The following KLHL18 variants were observed in gnomAD, a reference collection of about 807,000 sequenced individuals.
KLHL18 encodes the protein kelch-like protein 18.
In KLHL18, 38 loss-of-function variants were observed where a neutral mutation model predicts 58.5. The observed-to-expected ratio is 0.65, with a 90% confidence interval of 0.50 to 0.85. The LOEUF is 0.85. Among genes scored for constraint, KLHL18 ranks in the 40% least tolerant of loss-of-function variants. The pLI is 0.00. For synonymous variants in KLHL18, 303 were observed against 301.9 expected (o/e 1.00, Z -0.04); for missense variants, 624 against 778.4 (o/e 0.80, Z 2.36).
chr3:47,320,330 TAATC>T (rs1337943381), intron 2 of KLHL18, among the ~76,000 whole-genome samples: 1 of 152,190 alleles, frequency 6.6e-6, no homozygotes, highest in Non-Finnish European at 1.5e-5. Flanking sequence ...TGTTTAATTT[TAATC>T]AATTTAATTT....
rs188197370 is a variant in KLHL18 at position 47,336,709 on chromosome 3, C to T, written c.1073C>T (p.Pro358Leu). 1.5e-5 allele frequency: 24 copies of T among 1,614,186 alleles called. No homozygotes were observed. The highest frequency in any genetic ancestry group is 6.7e-5 in the East Asian group (3 of 44,888). ...CTGAGCACTGTGGAGGCCTACAACC[C>T]GGAGACAGACACATGGACCAGAGTG... ...LRLSTVEAYN[P>L]ETDTWTRVGS... Residue 358 changes from proline to leucine, a missense_variant, in exon 7 of 10, where the codon CCG (proline) becomes CTG (leucine). Physicochemically the swap from Pro to Leu is moderately conservative, Grantham distance 98 (BLOSUM62 -3). Transcript: ENST00000232766.
chr3:47,324,298 CTTTTTTTTTT>C lies in KLHL18; in HGVS notation c.401+1607_401+1616del, dbSNP rs769288621. Among the ~76,000 whole-genome samples the C allele has an allele frequency of 4.3e-3, 163 of 37,480 alleles. 3 individuals are homozygous for C. Among genetic ancestry groups the C allele is most frequent in the African/African-American group, 0.012 (116 of 9,982 alleles). 24.6% of individuals were successfully genotyped at this position (37,480 alleles called of 152,430 possible). Reference sequence around the variant, plus strand: ...CTTCCTTTTTTCTTTTTCTTTCTTTCTTTTTTTTTTTTTTTTTTTTTTTTTTCTGTAAGGT... The same window carrying C: ...CTTCCTTTTTTCTTTTTCTTTCTTTCTTTTTTTTTTTTTTTTCTGTAAGGT... On this transcript the variant is annotated intron_variant, in intron 3 of 9. Transcript: ENST00000232766.
At chr3:47,333,537 G>A (rs907335734) in intron 5 of KLHL18, among the ~76,000 whole-genome samples, 22 of 152,254 alleles carry the variant, frequency 1.4e-4, no homozygotes, top group Non-Finnish European at 2.5e-4. Flanking sequence ...GAGCATCAAA[G>A]CAGAAAGGGC....
chr3:47,292,044 C>T (rs1212814041), intron 1 of KLHL18, among the ~76,000 whole-genome samples: 1 of 152,128 alleles, frequency 6.6e-6, no homozygotes, highest in Non-Finnish European at 1.5e-5. Context: ...ATGGCTCTTA[C>T]GTTCCAGTGA....
rs192755858 is a variant in KLHL18, at chr3:47,311,497, T to C, written c.130-8156T>C. Among the ~76,000 whole-genome samples the C allele has an allele frequency of 7.5e-4, 114 of 151,854 alleles. 1 individual carries two copies. The highest frequency in any genetic ancestry group is 3.5e-3 in the East Asian group (18 of 5,116). On this transcript the variant is annotated intron_variant, in intron 1 of 9. Coordinates refer to ENST00000232766, the MANE Select transcript of KLHL18 (RefSeq NM_025010.5). ...CATGAGGTCAGGAGATCAAGACCAT[T>C]CTGGCTAACATAGTGAAACCCCGTC...
intron 2 of KLHL18, 134 bp from the exon 3 acceptor site, chr3:47,322,434 G>T (rs1576168145): frequency 9.8e-6 from 7 of 716,580 alleles, no homozygotes; most frequent in Non-Finnish European, 1.4e-5. Context: ...TTAGGCTGTG[G>T]TGAAGTAGTT....
intron 2 of KLHL18, among the ~76,000 whole-genome samples, chr3:47,321,989 AG>A (rs1189475438): frequency 1.3e-5 from 2 of 152,232 alleles, no homozygotes; most frequent in African/African-American, 4.8e-5. Flanking sequence ...GAGAGGGACC[AG>A]AGCACATACA....
At chr3:47,331,425 CTTTTTTTTTTTTTT>C (rs71098479) in intron 4 of KLHL18, among the ~76,000 whole-genome samples, 1 of 58,506 alleles carries the variant, frequency 1.7e-5, no homozygotes, top group East Asian at 5.4e-4. Context: ...CATGCCAGGC[CTTTTTTTTTTTTTT>C]TTTTTTTTTG....
rs772553279 is a variant in KLHL18, at chr3:47,322,601, C to T, written c.294C>T (p.Asn98=). ...ALEALINFAY[N]GNLAIDQQNV... is the part of the protein sequence containing the mutation. ...AGGCTCTGATCAACTTTGCCTACAA[C>T]GGCAACCTTGCCATTGACCAGCAAA... Residue 98 remains asparagine, a synonymous_variant, in exon 3 of 10, where the codon AAC becomes AAT. Transcript: ENST00000232766. 3.0e-5 allele frequency: 48 copies of T among 1,606,922 alleles called. No individual in the cohort carries two copies. The highest frequency in any genetic ancestry group is 1.7e-4 in the Middle Eastern group (1 of 5,816).
intron 1 of KLHL18, among the ~76,000 whole-genome samples, chr3:47,305,522 G>T (rs1347949067): frequency 6.6e-6 from 1 of 151,716 alleles, no homozygotes; most frequent in Non-Finnish European, 1.5e-5. Flanking sequence ...CTGATATTTT[G>T]TTAAGGATTT....
intron 4 of KLHL18, among the ~76,000 whole-genome samples, chr3:47,331,686 G>A (rs1465974312): frequency 2.0e-5 from 3 of 151,380 alleles, no homozygotes; most frequent in Non-Finnish European, 4.4e-5. Flanking sequence ...GCCCACCTCG[G>A]CCTCCCAAAG....
intron 1 of KLHL18, among the ~76,000 whole-genome samples, chr3:47,309,098 G>C (rs935747698): frequency 2.0e-5 from 3 of 152,252 alleles, no homozygotes; most frequent in African/African-American, 7.2e-5. Context: ...TAAGCTCATA[G>C]ATCAACAGCA....
At chr3:47,301,624 A>T (rs1004166919) in intron 1 of KLHL18, among the ~76,000 whole-genome samples, 1 of 152,176 alleles carries the variant, frequency 6.6e-6, no homozygotes, top group African/African-American at 2.4e-5. Context: ...TACTGTAGCT[A>T]TGTAGTTGAC....
At chr3:47,284,314 C>A (rs970819733) in intron 1 of KLHL18, among the ~76,000 whole-genome samples, 1 of 148,918 alleles carries the variant, frequency 6.7e-6, no homozygotes, top group African/African-American at 2.5e-5. Flanking sequence ...TGCAGAGATT[C>A]TTTTGCTCTT....
At chr3:47,335,342 C>G (rs1031803946) in intron 6 of KLHL18, among the ~76,000 whole-genome samples, 4 of 152,148 alleles carry the variant, frequency 2.6e-5, no homozygotes, top group African/African-American at 9.7e-5. Context: ...GTCAATAATA[C>G]TTTTTACTCT....
At chr3:47,342,556 G>A (rs1486408046) in intron 8 of KLHL18, among the ~76,000 whole-genome samples, 163 bp from the exon 9 acceptor site, 1 of 152,230 alleles carries the variant, frequency 6.6e-6, no homozygotes, top group African/African-American at 2.4e-5. Context: ...TGCAGCTTGG[G>A]TGAGAGGCGG....
chr3:47,302,497 AAAAG>A (rs1334006123), intron 1 of KLHL18, among the ~76,000 whole-genome samples: 1 of 152,164 alleles, frequency 6.6e-6, no homozygotes, highest in East Asian at 1.9e-4. Flanking sequence ...CAAACAAACA[AAAAG>A]AAACATAAGG....
At chr3:47,287,692 C>A (rs1007416658) in intron 1 of KLHL18, among the ~76,000 whole-genome samples, 3 of 152,000 alleles carry the variant, frequency 2.0e-5, no homozygotes, top group African/African-American at 7.3e-5. Flanking sequence ...ACCATGTTGG[C>A]CAGGATGGTC....
chr3:47,283,562 ATTACTAC>A (rs1702545688), intron 1 of KLHL18: 1 of 157,354 alleles, frequency 6.4e-6, no homozygotes, highest in South Asian at 1.8e-4. Flanking sequence ...TAATTGTTGA[ATTACTAC>A]TTTGTCTCTT....
Sources: gnomAD v4.1 joint callset for allele counts (sites outside exome capture counted in the v4.1 genomes callset) on GRCh38, gnomAD v4.1.1 for gene constraint, MANE v1.5 for transcripts, NCBI Gene and HGNC (gene_info 2026-07-23, HGNC 2026-07-21) for gene names.